EMC2: variants seen among roughly 807,000 people sequenced by gnomAD.
The protein encoded by EMC2 is TPR repeat protein 35.
Under a neutral mutation model 51.6 loss-of-function variants are expected in EMC2, and 37 were observed. The observed-to-expected ratio is 0.72, with a 90% CI of 0.55 to 0.94. The LOEUF is 0.94. Among genes scored for constraint, EMC2 ranks in the 40% least tolerant of loss-of-function variants. The pLI is 0.00. For synonymous variants in EMC2, 131 were observed against 112.4 expected (o/e 1.17, Z -1.04); for missense variants, 359 against 350.9 (o/e 1.02, Z -0.18).
intron 7 of EMC2, chr8:108,474,322 C>G (rs1210654339): frequency 6.6e-6 from 1 of 151,920 alleles, no homozygotes; most frequent in Non-Finnish European, 1.5e-5. Flanking sequence ...TAAAGGAACA[C>G]ATTTAGAAGA....
chr8:108,457,868 A>G (rs1186722583), intron 5 of EMC2, among the ~76,000 whole-genome samples: 1 of 152,218 alleles, frequency 6.6e-6, no homozygotes, highest in Non-Finnish European at 1.5e-5. Flanking sequence ...ACTCATTTCA[A>G]CATTAATTCA....
At chr8:108,471,910 G>A in intron 7 of EMC2, among the ~76,000 whole-genome samples, 1 of 151,856 alleles carries the variant, frequency 6.6e-6, no homozygotes, top group Non-Finnish European at 1.5e-5. Flanking sequence ...GCATTTACTA[G>A]AGTCCCTCTT....
At position 108,475,930 on chromosome 8, in the gene EMC2, A is replaced by T; in HGVS notation, c.558A>T (p.Pro186=). The part of the protein sequence containing the change: ...FCLEELMMTN[P]HNHLYCQQYA... ...TAGAGGAACTAATGATGACTAATCCACACAACCACTTATACTGTCAGCAGT... is the reference window on the plus strand; with the variant it reads ...TAGAGGAACTAATGATGACTAATCCTCACAACCACTTATACTGTCAGCAGT... Residue 186 remains proline (P), a synonymous_variant, in exon 8 of 11, where the codon CCA becomes CCT. Coordinates refer to ENST00000220853, the MANE Select transcript of EMC2 (RefSeq NM_014673.5). 1.2e-6 allele frequency: 2 copies of T among 1,601,266 alleles called. No homozygotes were observed. The highest frequency in any genetic ancestry group is 1.7e-6 in the Non-Finnish European group (2 of 1,173,046).
intron 5 of EMC2, 76 bp downstream of exon 5, chr8:108,456,006 A>G: frequency 1.8e-6 from 1 of 553,780 alleles, no homozygotes; most frequent in Non-Finnish European, 3.1e-6. Flanking sequence ...AATAATAGAT[A>G]CATAAGGAAC....
chr8:108,469,719 TG>T, intron 5 of EMC2, 106 bp from the exon 6 acceptor site: 2 of 878,688 alleles, frequency 2.3e-6, no homozygotes, highest in Non-Finnish European at 1.8e-6. Context: ...AGTTCTACAA[TG>T]GAATTTCTCT....
rs199592275 is a variant in EMC2, at chr8:108,478,173, AAC to A, written c.703-832_703-831del. Among the ~76,000 whole-genome samples the A allele has an allele frequency of 3.3e-4, 50 of 152,218 alleles. No individual in the cohort carries two copies. The East Asian group carries it at 9.6e-3, about 29-fold the overall frequency. On this transcript the variant is annotated intron_variant, in intron 9 of 10. Transcript: ENST00000220853. The stretch of plus-strand genomic sequence containing the variant: ...ACAGGCTGGCATAAAACAAAGGCTT[AAC>A]CTTTTTTTGAATCACATGGTCATAT...
At chr8:108,472,983 G>A (rs192386669) in intron 7 of EMC2, among the ~76,000 whole-genome samples, 40 of 151,932 alleles carry the variant, frequency 2.6e-4, no homozygotes, top group African/African-American at 8.9e-4. Flanking sequence ...TGTGTAGCTG[G>A]CACTACAGGT....
intron 5 of EMC2, among the ~76,000 whole-genome samples, chr8:108,465,973 A>G (rs953231615): frequency 6.6e-6 from 1 of 152,232 alleles, no homozygotes; most frequent in African/African-American, 2.4e-5. Context: ...GAATTGAAGA[A>G]AATGATGATG....
chr8:108,444,872 A>G (rs1028211294), intron 1 of EMC2, among the ~76,000 whole-genome samples: 7 of 152,198 alleles, frequency 4.6e-5, no homozygotes, highest in Admixed American at 4.6e-4. Flanking sequence ...TCACAATCTA[A>G]TGGAGAAAAC....
At chr8:108,458,193 AG>A (rs1383198106) in intron 5 of EMC2, among the ~76,000 whole-genome samples, 1 of 152,222 alleles carries the variant, frequency 6.6e-6, no homozygotes, top group Non-Finnish European at 1.5e-5. Context: ...ATGGCTTTGC[AG>A]GGTACATCCT....
Position 108,450,427 on chromosome 8 carries a change from G to T in EMC2, c.155-1G>T. On this transcript the variant is annotated splice_acceptor_variant, in intron 2 of 10. Transcript: ENST00000220853. LOFTEE classifies it high-confidence loss of function. Reference sequence around the variant, plus strand: ...TTTTTTCCCCCTTTATGTGTATCTAGTTTGGATCATATATGAACAGGTGAT... The same window carrying T: ...TTTTTTCCCCCTTTATGTGTATCTATTTTGGATCATATATGAACAGGTGAT... 1 of 1,587,400 alleles carries T rather than the reference G, an allele frequency of 6.3e-7. No homozygotes were observed. Among genetic ancestry groups the T allele is most frequent in the East Asian group, 2.2e-5 (1 of 44,616 alleles).
intron 7 of EMC2, among the ~76,000 whole-genome samples, chr8:108,472,354 A>G (rs1320610381): frequency 6.6e-6 from 1 of 151,916 alleles, no homozygotes; most frequent in African/African-American, 2.4e-5. Context: ...GTTTATTGAA[A>G]CAGAGGTGAA....
In EMC2 at chr8:108,446,490, TCTTCGAAATA is replaced by T. The variant is rs147400421; in HGVS notation, c.40+2807_40+2816del. ...GTGGAAATAGAGTAGAAGATGTAAA[TCTTCGAAATA>T]CTTCGAAATACTTCAAAACAATCCA... On this transcript the variant is annotated intron_variant, in intron 1 of 10. Transcript: ENST00000220853. 6.1e-3 allele frequency among the ~76,000 whole-genome samples: 924 copies of T among 152,236 alleles called. 10 individuals are homozygous for T. Among genetic ancestry groups the T allele is most frequent in the African/African-American group, 0.021 (856 of 41,522 alleles).
At position 108,486,589 on chromosome 8, in the gene EMC2, C is replaced by G. The variant is rs1318963595; in HGVS notation, c.885C>G (p.Thr295=). The G allele has an allele frequency of 6.2e-7, 1 of 1,604,184 alleles. No homozygotes were observed. The highest frequency in any genetic ancestry group is 1.3e-5 in the African/African-American group (1 of 74,148). Residue 295 remains threonine (T), a synonymous_variant, in exon 11 of 11, where the codon ACC becomes ACG. Transcript: ENST00000220853. ...ACATGTTGGAAACATTGCAGATCAC[C>G]CAGTCTTAAGGTTTCAAAAACTCTT... ...VEDMLETLQI[T]QS is the part of the protein sequence containing the mutation.
At chr8:108,455,597 T>C (rs1819131372) in intron 4 of EMC2, among the ~76,000 whole-genome samples, 1 of 152,188 alleles carries the variant, frequency 6.6e-6, no homozygotes, top group Non-Finnish European at 1.5e-5. Context: ...TTTTTACTTT[T>C]GTACTTTGGA....
rs975053993 is a variant in EMC2, at chr8:108,475,290, T to A, written c.510-592T>A. On this transcript the variant is annotated intron_variant, in intron 7 of 10. Coordinates refer to ENST00000220853, the MANE Select transcript of EMC2 (RefSeq NM_014673.5). Reference sequence around the variant, plus strand: ...ATTTTTGTTTATTCTACCACAAGATTAAATAATAGTACAGTATATATCAAA... The same window carrying A: ...ATTTTTGTTTATTCTACCACAAGATAAAATAATAGTACAGTATATATCAAA... The A allele has an allele frequency of 6.6e-5, 10 of 152,056 alleles. 1 individual carries two copies. The Middle Eastern group carries it at 0.01, about 155-fold the overall frequency. 9.4% of individuals were successfully genotyped at this position (152,056 alleles called of 1,614,324 possible).
At chr8:108,452,466 C>G (rs1410597516) in intron 3 of EMC2, among the ~76,000 whole-genome samples, 1 of 152,072 alleles carries the variant, frequency 6.6e-6, no homozygotes, top group Admixed American at 6.5e-5. Flanking sequence ...ACTTGGGAGG[C>G]CGAGGCAGGA....
chr8:108,476,928 A>T (rs1217841571), intron 9 of EMC2, 36 bp downstream of exon 9: 1 of 1,008,432 alleles, frequency 9.9e-7, no homozygotes, highest in South Asian at 1.3e-5. Context: ...TATTTTTAAA[A>T]ATCTGTCACT....
At chr8:108,463,169 A>T (rs1222765399) in intron 5 of EMC2, among the ~76,000 whole-genome samples, 2 of 152,198 alleles carry the variant, frequency 1.3e-5, no homozygotes, top group African/African-American at 4.8e-5. Context: ...TAGAGAATGG[A>T]GTATGAAGTC....
Sources: allele counts gnomAD v4.1 joint callset (sites outside exome capture counted in the v4.1 genomes callset), GRCh38; gene constraint gnomAD v4.1.1; transcripts MANE v1.5; gene names NCBI Gene and HGNC (gene_info 2026-07-23, HGNC 2026-07-21).